Variants in PSMB4 observed in about 807,000 individuals in gnomAD.
PSMB4 encodes proteasome 20S subunit beta 4.
Under a neutral mutation model 35.2 loss-of-function variants are expected in PSMB4, and 16 were observed. That is an observed-to-expected ratio of 0.45 (90% confidence interval 0.31 to 0.69). The LOEUF (loss-of-function observed/expected upper bound fraction) is 0.69. PSMB4 is among the 30% of genes least tolerant of loss of function. PSMB4 has a pLI of 0.06. For missense variants in PSMB4, 333 were observed against 351.8 expected, an observed-to-expected ratio of 0.95 and a Z score of 0.43; for synonymous variants, 144 against 134.1, an observed-to-expected ratio of 1.07 and a Z score of -0.51.
At chr1:151,401,414 TCTATG>T (rs1652829315) in intron 5 of PSMB4, 59 bp downstream of exon 5, 1 of 1,565,018 alleles carries the variant, frequency 6.4e-7, no homozygotes, top group Non-Finnish European at 8.8e-7. Context: ...TCCCTGGGTC[TCTATG>T]CTTTGAAGAA....
rs2102121214 is a variant in PSMB4, at chr1:151,399,747, G to GT, written c.140+23dup. The GT allele has an allele frequency of 6.2e-7, 1 of 1,613,714 alleles. No homozygotes were observed. Among genetic ancestry groups the GT allele is most frequent in the Admixed American group, 1.7e-5 (1 of 59,986 alleles). ...GACCCAGTAAGTTCTCGGCGCTTTC[G>GT]TTTGCGTAGCGGGAGGGACCGTGGG... On this transcript the variant is annotated intron_variant, in intron 1 of 6. Transcript: ENST00000290541.
Position 151,401,581 on chromosome 1 carries a change from G to A in PSMB4, c.733G>A (p.Glu245Lys). 6.2e-7 allele frequency: 1 copy of A among 1,613,070 alleles called. No individual in the cohort carries two copies. The highest frequency in any genetic ancestry group is 8.5e-7 in the Non-Finnish European group (1 of 1,179,026). The part of the protein sequence containing the change: ...ATVTEKGVEI[E>K]GPLSTETNWD... ...TGTCACCGAAAAAGGTGTTGAAATA[G>A]AGGGACCATTGTCTACAGAGACCAA... The change falls in exon 6 of 7, where the codon GAG (glutamate) becomes AAG (lysine). Residue 245 changes from glutamate (E) to lysine (K), a missense_variant. Glu to Lys is a moderately conservative substitution (Grantham distance 56). Transcript: ENST00000290541.
Position 151,400,026 on chromosome 1 carries a change from G to A in PSMB4, c.186G>A (p.Glu62=). 6.2e-7 allele frequency: 1 copy of A among 1,614,166 alleles called. No homozygotes were observed. Among genetic ancestry groups the A allele is most frequent in the Non-Finnish European group, 8.5e-7 (1 of 1,180,002 alleles). Residue 62 remains glutamate (E), a synonymous_variant, in exon 2 of 7, where the codon GAG becomes GAA. Transcript: ENST00000290541. ...CCTCAGTCCTCGGCGTTAAGTTCGA[G>A]GGCGGAGTGGTGATTGCCGCAGACA... is the stretch of plus-strand genomic sequence containing the variant. ...TGTSVLGVKF[E]GGVVIAADML... is the part of the protein sequence containing the mutation.
Position 151,400,433 on chromosome 1 carries a change from C to T in PSMB4, c.348-9C>T. The T allele has an allele frequency of 6.2e-7, 1 of 1,611,608 alleles. No homozygotes were observed. The highest frequency in any genetic ancestry group is 8.5e-7 in the Non-Finnish European group (1 of 1,179,144). ...TCTCTCCCTTTTCTCACAACCAATT[C>T]CTTTTAAGGATTGATGAGGAGCTTC... On this transcript the variant is annotated splice_polypyrimidine_tract_variant and intron_variant, in intron 2 of 6. Coordinates refer to ENST00000290541, the MANE Select transcript of PSMB4 (RefSeq NM_002796.3).
At chr1:151,400,329 T>G (rs961909758) in intron 2 of PSMB4, 113 bp from the exon 3 acceptor site, 61 of 1,477,236 alleles carry the variant, frequency 4.1e-5, no homozygotes, top group Non-Finnish European at 5.6e-5. Flanking sequence ...GTGTTTGCAA[T>G]AAAGTTTTTG....
chr1:151,400,196 T>C lies in PSMB4; in HGVS notation c.347+9T>C, dbSNP rs1652765162. On this transcript the variant is annotated intron_variant, in intron 2 of 6. Coordinates refer to ENST00000290541, the MANE Select transcript of PSMB4 (RefSeq NM_002796.3). ...GTTCTCGGCCAGATGGTGTAAGTCA[T>C]CCAGAGAACAGGAGAGTGGTTCCCA... 1.2e-6 allele frequency: 2 copies of C among 1,613,208 alleles called. No individual in the cohort carries two copies. The highest frequency in any genetic ancestry group is 1.7e-6 in the Non-Finnish European group (2 of 1,179,252).
chr1:151,400,001 C>G lies in PSMB4; in HGVS notation c.161C>G (p.Thr54Ser). ...TRTQNPMVTGTSVLGVKFEGG... is the reference protein window; with the variant it reads ...TRTQNPMVTGSSVLGVKFEGG... ...TTTAGGAACCCCATGGTGACCGGGA[C>G]CTCAGTCCTCGGCGTTAAGTTCGAG... Residue 54 changes from threonine to serine, a missense_variant, in exon 2 of 7, where the codon ACC (threonine) becomes AGC (serine). By Grantham distance (58) the Thr-to-Ser change is moderately conservative (BLOSUM62 1). Coordinates refer to ENST00000290541, the MANE Select transcript of PSMB4 (RefSeq NM_002796.3). The G allele has an allele frequency of 1.2e-6, 2 of 1,614,012 alleles. No homozygotes were observed. Among genetic ancestry groups the G allele is most frequent in the Non-Finnish European group, 8.5e-7 (1 of 1,179,948 alleles).
Position 151,401,576 on chromosome 1 carries a change from A to C in PSMB4, c.728A>C (p.Glu243Ala), listed in dbSNP as rs1278314313. Reference sequence around the variant, plus strand: ...GCCACTGTCACCGAAAAAGGTGTTGAAATAGAGGGACCATTGTCTACAGAG... The same window carrying C: ...GCCACTGTCACCGAAAAAGGTGTTGCAATAGAGGGACCATTGTCTACAGAG... ...QIATVTEKGV[E>A]IEGPLSTETN... The change falls in exon 6 of 7, where the codon GAA becomes GCA. Residue 243 changes from glutamate (E) to alanine (A), a missense_variant. Transcript: ENST00000290541. 1.2e-6 allele frequency: 2 copies of C among 1,612,986 alleles called. No individual in the cohort carries two copies. Among genetic ancestry groups the C allele is most frequent in the South Asian group, 2.2e-5 (2 of 91,052 alleles).
intron 2 of PSMB4, 50 bp downstream of exon 2, chr1:151,400,237 C>T: frequency 1.3e-6 from 2 of 1,584,066 alleles, no homozygotes; most frequent in Non-Finnish European, 1.7e-6. Context: ...AGAGGGGAGT[C>T]CCCTGTTTTT....
intron 4 of PSMB4, 70 bp from the exon 5 acceptor site, chr1:151,401,169 C>G: frequency 8.1e-7 from 1 of 1,233,540 alleles, no homozygotes; most frequent in Admixed American, 1.7e-5. Context: ...CTTTTTATAC[C>G]ATAGATTTGA....
At chr1:151,400,693 C>T (rs1199811297) in intron 3 of PSMB4, 71 bp from the exon 4 acceptor site, 14 of 1,608,822 alleles carry the variant, frequency 8.7e-6, no homozygotes, top group Non-Finnish European at 1.2e-5. Flanking sequence ...TTAACTCAGA[C>T]CCCATGGTCC....
intron 1 of PSMB4, 83 bp from the exon 2 acceptor site, chr1:151,399,898 A>G: frequency 6.5e-7 from 1 of 1,544,168 alleles, no homozygotes; most frequent in Non-Finnish European, 8.9e-7. Flanking sequence ...AAGGAATTAT[A>G]GAAAATCAGA....
chr1:151,400,486 G>C lies in PSMB4; in HGVS notation c.392G>C (p.Arg131Thr), dbSNP rs761013630. ...LLGDGHSYSP[R>T]AIHSWLTRAM... Reference sequence around the variant, plus strand: ...GGAGATGGACACAGCTATAGTCCTAGAGCTATTCATTCATGGCTGACCAGG... The same window carrying C: ...GGAGATGGACACAGCTATAGTCCTACAGCTATTCATTCATGGCTGACCAGG... Residue 131 changes from arginine (R) to threonine (T), a missense_variant, in exon 3 of 7, where the codon AGA becomes ACA. Arg to Thr is a moderately conservative substitution (Grantham distance 71, BLOSUM62 -1). Coordinates refer to ENST00000290541, the MANE Select transcript of PSMB4 (RefSeq NM_002796.3). The C allele has an allele frequency of 6.2e-7, 1 of 1,613,942 alleles. No homozygotes were observed. Among genetic ancestry groups the C allele is most frequent in the South Asian group, 1.1e-5 (1 of 91,076 alleles).
At chr1:151,401,088 TCTTAG>T (rs758308654) in intron 4 of PSMB4, 146 bp from the exon 5 acceptor site, 146 of 802,248 alleles carry the variant, frequency 1.8e-4, no homozygotes, top group Non-Finnish European at 2.4e-4. Context: ...CTGAAGTGGC[TCTTAG>T]CTTATTTTCT....
rs200407470 is a variant in PSMB4, at chr1:151,401,316, G to A, written c.654G>A (p.Met218Ile). ...TEARDLVERC[M>I]RVLYYRDARS... ...CCCGCGACTTAGTAGAACGCTGCAT[G>A]CGAGTGCTGTACTACCGAGATGCCC... is the stretch of plus-strand genomic sequence containing the variant. The change falls in exon 5 of 7, where the codon ATG (methionine) becomes ATA (isoleucine). Residue 218 changes from methionine (M) to isoleucine (I), a missense_variant. Met to Ile is a conservative substitution (Grantham distance 10, BLOSUM62 1). Transcript: ENST00000290541. The A allele has an allele frequency of 2.6e-5, 42 of 1,614,028 alleles. No homozygotes were observed. In the African/African-American group the frequency reaches 2.9e-4, roughly 11 times the overall value.
Position 151,400,177 on chromosome 1 carries a change from G to T in PSMB4, c.337G>T (p.Gly113Cys). 1.2e-6 allele frequency: 2 copies of T among 1,614,014 alleles called. No individual in the cohort carries two copies. Among genetic ancestry groups the T allele is most frequent in the South Asian group, 1.1e-5 (1 of 91,078 alleles). ...ADFQYLKQVL[G>C]QMVIDEELLG... Reference sequence around the variant, plus strand: ...TTTCCAGTATTTGAAGCAAGTTCTCGGCCAGATGGTGTAAGTCATCCAGAG... The same window carrying T: ...TTTCCAGTATTTGAAGCAAGTTCTCTGCCAGATGGTGTAAGTCATCCAGAG... Residue 113 changes from glycine (G) to cysteine (C), a missense_variant, in exon 2 of 7, where the codon GGC becomes TGC. By Grantham distance (159) the Gly-to-Cys change is radical. Coordinates refer to ENST00000290541, the MANE Select transcript of PSMB4 (RefSeq NM_002796.3).
In PSMB4 at chr1:151,400,223, G is replaced by T. The variant is rs761793446; in HGVS notation, c.347+36G>T. ...CAGAGAACAGGAGAGTGGTTCCCAA[G>T]TAGAGAGGGGAGTCCCCTGTTTTTT... is the stretch of plus-strand genomic sequence containing the variant. On this transcript the variant is annotated intron_variant, in intron 2 of 6. Transcript: ENST00000290541. The T allele has an allele frequency of 1.4e-5, 22 of 1,598,944 alleles. No individual in the cohort carries two copies. In the East Asian group the frequency reaches 4.0e-4, roughly 29 times the overall value.
chr1:151,401,189 C>T, intron 4 of PSMB4, 50 bp from the exon 5 acceptor site: 13 of 1,389,780 alleles, frequency 9.4e-6, no homozygotes, highest in Non-Finnish European at 1.3e-5. Context: ...AGACAACTAG[C>T]CTGTTATTCA....
rs1652793479 is a variant in PSMB4, at chr1:151,400,842, T to A, written c.573T>A (p.Ala191=). ...CCACTGGTTATGGTGCATACTTGGC[T>A]CAGGTAAGTAGTAAGTCTAGAGGTG... is the stretch of plus-strand genomic sequence containing the variant. The part of the protein sequence containing the change: ...SLATGYGAYL[A]QPLLREVLEK... Residue 191 remains alanine, a synonymous_variant, in exon 4 of 7, where the codon GCT becomes GCA. Coordinates refer to ENST00000290541, the MANE Select transcript of PSMB4 (RefSeq NM_002796.3). 1.2e-6 allele frequency: 2 copies of A among 1,613,482 alleles called. No individual in the cohort carries two copies. Among genetic ancestry groups the A allele is most frequent in the African/African-American group, 2.7e-5 (2 of 74,904 alleles).
Sources: allele counts gnomAD v4.1 joint callset, GRCh38; gene constraint gnomAD v4.1.1; transcripts MANE v1.5; gene names NCBI Gene and HGNC (gene_info 2026-07-23, HGNC 2026-07-21).